SLC24A3: variants seen among roughly 807,000 people sequenced by gnomAD.
SLC24A3 encodes the protein solute carrier family 24 member 3, also known as sodium/potassium/calcium exchanger 3.
A neutral mutation model predicts 75.8 loss-of-function variants in SLC24A3; 28 were observed. The ratio of observed to expected loss-of-function variants is 0.37; its 90% confidence interval spans 0.27 to 0.51. The LOEUF (loss-of-function observed/expected upper bound fraction) is 0.51, where lower values mean the gene tolerates loss of function less well. SLC24A3 is among the 20% of genes least tolerant of loss of function. The pLI, the probability that SLC24A3 is intolerant of heterozygous loss-of-function variation, is 0.94. For synonymous variants in SLC24A3, 372 were observed against 334.1 expected (o/e 1.11, Z -1.24); for missense variants, 663 against 847.8 (o/e 0.78, Z 2.71).
At chr20:19,624,488 G>A (rs939156655) in intron 6 of SLC24A3, among the ~76,000 whole-genome samples, 2 of 152,150 alleles carry the variant, frequency 1.3e-5, no homozygotes, top group African/African-American at 2.4e-5. Flanking sequence ...TTCATTCTGG[G>A]GCCCAGGACA....
intron 6 of SLC24A3, among the ~76,000 whole-genome samples, chr20:19,643,818 A>AAGTACTATGAT (rs2122700346): frequency 6.6e-6 from 1 of 152,344 alleles, no homozygotes; most frequent in South Asian, 2.1e-4. Flanking sequence ...TGGTATATTC[A>AAGTACTATGAT]GGTCAGGACA....
At chr20:19,547,984 A>T (rs1269917519) in intron 3 of SLC24A3, among the ~76,000 whole-genome samples, 2 of 152,272 alleles carry the variant, frequency 1.3e-5, no homozygotes, top group African/African-American at 4.8e-5. Flanking sequence ...AAAAATGCCC[A>T]GACAAGTTTT....
chr20:19,656,496 G>A (rs992101482), intron 7 of SLC24A3, among the ~76,000 whole-genome samples: 3 of 152,124 alleles, frequency 2.0e-5, no homozygotes, highest in Non-Finnish European at 4.4e-5. Context: ...GGAACCCAAG[G>A]ACTCTTCCCA....
At chr20:19,263,914 A>G (rs948038933) in intron 1 of SLC24A3, among the ~76,000 whole-genome samples, 13 of 152,128 alleles carry the variant, frequency 8.5e-5, no homozygotes, top group African/African-American at 3.1e-4. Flanking sequence ...TCAAGTTCCA[A>G]TGGTGAAAGG....
chr20:19,580,008 C>T lies in SLC24A3; in HGVS notation c.357C>T (p.Tyr119=), dbSNP rs1197993653. The change falls in exon 4 of 17, where the codon TAC becomes TAT. Residue 119 remains tyrosine (Y), a synonymous_variant. Transcript: ENST00000328041. ...TATCTCCTCTCTTCCAGGCCATATA[C>T]ATGTTCTATGCGCTGGCCATTGTGT... The part of the protein sequence containing the change: ...AVVLHVLCAI[Y]MFYALAIVCD... 6.2e-7 allele frequency: 1 copy of T among 1,613,096 alleles called. No individual in the cohort carries two copies. Among genetic ancestry groups the T allele is most frequent in the African/African-American group, 1.3e-5 (1 of 75,056 alleles).
At chr20:19,326,568 T>C (rs909426524) in intron 2 of SLC24A3, among the ~76,000 whole-genome samples, 2 of 149,850 alleles carry the variant, frequency 1.3e-5, no homozygotes, top group African/African-American at 4.9e-5. Flanking sequence ...TTTTTCTTTC[T>C]TTTCTTTTCT....
intron 6 of SLC24A3, among the ~76,000 whole-genome samples, chr20:19,616,978 G>T (rs751801584): frequency 1.3e-5 from 2 of 152,158 alleles, no homozygotes; most frequent in Non-Finnish European, 2.9e-5. Context: ...TTCAATGTTT[G>T]TTGAGTGCCT....
rs182077750 is a variant in SLC24A3 at position 19,375,103 on chromosome 20, C to T, written c.271+94016C>T. Among the ~76,000 whole-genome samples the T allele has an allele frequency of 2.6e-5, 4 of 152,252 alleles. No homozygotes were observed. In the East Asian group the frequency reaches 7.7e-4, roughly 29 times the overall value. On this transcript the variant is annotated intron_variant, in intron 2 of 16. Transcript: ENST00000328041. ...ATCACCTCCTCACTCCCCAGCTGGC[C>T]CTGCTTCACCTCACAGATCAATCAC... is the stretch of plus-strand genomic sequence containing the variant.
intron 3 of SLC24A3, among the ~76,000 whole-genome samples, chr20:19,578,065 T>G (rs1239098642): frequency 6.6e-6 from 1 of 152,220 alleles, no homozygotes; most frequent in East Asian, 1.9e-4. Flanking sequence ...GCTACGTTAG[T>G]GCAACTGCTA....
intron 2 of SLC24A3, among the ~76,000 whole-genome samples, chr20:19,453,240 C>A (rs1436695045): frequency 6.6e-6 from 1 of 152,070 alleles, no homozygotes; most frequent in Non-Finnish European, 1.5e-5. Flanking sequence ...ACTCCAGCTA[C>A]TCAGGTGACT....
intron 6 of SLC24A3, among the ~76,000 whole-genome samples, chr20:19,653,674 A>G (rs2032232782): frequency 6.6e-6 from 1 of 152,104 alleles, no homozygotes; most frequent in African/African-American, 2.4e-5. Context: ...TCTGATAGGC[A>G]ACTTTGCATT....
intron 2 of SLC24A3, among the ~76,000 whole-genome samples, chr20:19,307,391 A>G (rs1048856140): frequency 2.6e-5 from 4 of 152,232 alleles, no homozygotes; most frequent in Non-Finnish European, 5.9e-5. Context: ...TTTATCTGTT[A>G]AGAGTGATCT....
chr20:19,224,055 T>C (rs1300529353), intron 1 of SLC24A3, among the ~76,000 whole-genome samples: 1 of 152,110 alleles, frequency 6.6e-6, no homozygotes, highest in Non-Finnish European at 1.5e-5. Context: ...TGCAGGTAAC[T>C]GAAACAGCAG....
chr20:19,416,274 G>A (rs1280793388), intron 2 of SLC24A3, among the ~76,000 whole-genome samples: 1 of 152,212 alleles, frequency 6.6e-6, no homozygotes, highest in Admixed American at 6.5e-5. Flanking sequence ...AAAGTTCTGT[G>A]TGAGCTTGTA....
At chr20:19,657,108 G>A (rs1409114130) in intron 7 of SLC24A3, among the ~76,000 whole-genome samples, 1 of 152,218 alleles carries the variant, frequency 6.6e-6, no homozygotes, top group Non-Finnish European at 1.5e-5. Context: ...AACCACATAA[G>A]CAAATGATTC....
chr20:19,537,634 C>T (rs2030422143), intron 3 of SLC24A3, among the ~76,000 whole-genome samples: 1 of 152,078 alleles, frequency 6.6e-6, no homozygotes, highest in South Asian at 2.1e-4. Flanking sequence ...ACCCAAATGT[C>T]CAACAATGAT....
chr20:19,689,003 A>G (rs905550803), intron 12 of SLC24A3, among the ~76,000 whole-genome samples: 52 of 152,184 alleles, frequency 3.4e-4, no homozygotes, highest in African/African-American at 1.2e-3. Context: ...TACACTTGGT[A>G]TATGCACATA....
intron 1 of SLC24A3, among the ~76,000 whole-genome samples, chr20:19,259,773 T>G (rs1394053113): frequency 6.6e-6 from 1 of 152,184 alleles, no homozygotes; most frequent in Non-Finnish European, 1.5e-5. Context: ...AATTAGACGG[T>G]GAACATTCAG....
At chr20:19,351,230 C>G (rs1301156642) in intron 2 of SLC24A3, among the ~76,000 whole-genome samples, 2 of 152,212 alleles carry the variant, frequency 1.3e-5, no homozygotes, top group African/African-American at 4.8e-5. Flanking sequence ...ATTTTCCCTT[C>G]AGGTTGTTGG....
Sources: gnomAD v4.1 joint callset for allele counts (sites outside exome capture counted in the v4.1 genomes callset) on GRCh38, gnomAD v4.1.1 for gene constraint, MANE v1.5 for transcripts, NCBI Gene and HGNC (gene_info 2026-07-23, HGNC 2026-07-21) for gene names.